Variants in SCN2A observed in about 807,000 individuals in gnomAD.
SCN2A encodes sodium voltage-gated channel alpha subunit 2, also known as sodium channel protein type 2 subunit alpha.
SCN2A carries 20 observed loss-of-function variants against 188.7 expected under a neutral mutation model. The observed-to-expected ratio is 0.11, with a 90% CI of 0.07 to 0.15. The LOEUF is 0.15. Ranked by LOEUF, SCN2A falls within the 10% of genes least tolerant of loss-of-function variation. The pLI is 1.00. For synonymous variants in SCN2A, 804 were observed against 833.1 expected (o/e 0.97, Z 0.60); for missense variants, 1,278 against 2,445.0 (o/e 0.52, Z 10.07).
chr2:165,359,080 G>A (rs1293275955), intron 17 of SCN2A, among the ~76,000 whole-genome samples: 1 of 152,052 alleles, frequency 6.6e-6, no homozygotes, highest in Non-Finnish European at 1.5e-5. Flanking sequence ...TTTGGAAGAA[G>A]CAATAATCAT....
At chr2:165,317,506 T>C (rs1301942604) in intron 11 of SCN2A, among the ~76,000 whole-genome samples, 4 of 152,106 alleles carry the variant, frequency 2.6e-5, no homozygotes, top group African/African-American at 9.7e-5. Context: ...TGCCTAAATT[T>C]TGGCCTAGAT....
intron 1 of SCN2A, among the ~76,000 whole-genome samples, chr2:165,260,428 C>T (rs1162797631): frequency 6.6e-6 from 1 of 152,114 alleles, no homozygotes; most frequent in Admixed American, 6.5e-5. Context: ...TAACTGTGAG[C>T]TTAAAATATT....
intron 12 of SCN2A, among the ~76,000 whole-genome samples, chr2:165,325,325 A>G (rs770673270): frequency 1.7e-4 from 26 of 152,162 alleles, no homozygotes; most frequent in Admixed American, 9.2e-4. Flanking sequence ...CCTCAACTTC[A>G]TTCTTTAATC....
intron 1 of SCN2A, 35 bp from the exon 2 acceptor site, chr2:165,295,738 T>C: frequency 6.3e-7 from 1 of 1,591,870 alleles, no homozygotes; most frequent in Admixed American, 1.7e-5. Context: ...TTTATTCTAA[T>C]GGTCATTGCT....
intron 23 of SCN2A, among the ~76,000 whole-genome samples, chr2:165,378,400 T>C (rs73969393): frequency 0.016 from 2,440 of 151,540 alleles, 63 homozygotes; most frequent in African/African-American, 0.056. Context: ...CTGCATTGTA[T>C]CTCTATAAGT....
intron 1 of SCN2A, chr2:165,285,496 G>T: frequency 6.0e-6 from 1 of 167,508 alleles, no homozygotes. Context: ...TAAGAGGGTG[G>T]GTGATGACAA....
In SCN2A at chr2:165,247,521, T is replaced by C. The variant is rs181448865; in HGVS notation, c.-52+7881T>C. ...TCCAGCAATATTGGAGACAGTTCAT[T>C]GCTGTCTCCCCCTTGATACACTGCC... On this transcript the variant is annotated intron_variant, in intron 1 of 26. Coordinates refer to ENST00000375437, the MANE Select transcript of SCN2A (RefSeq NM_001040142.2). 1.6e-4 allele frequency among the ~76,000 whole-genome samples: 25 copies of C among 152,270 alleles called. No individual in the cohort carries two copies. In the East Asian group the frequency reaches 4.4e-3, roughly 27 times the overall value.
rs144058186 is a variant in SCN2A, at chr2:165,389,374, C to T, written c.5568C>T (p.Asp1856=). 17 of 1,613,898 alleles carry T rather than the reference C, an allele frequency of 1.1e-5. No individual in the cohort carries two copies. In the African/African-American group the frequency reaches 2.1e-4, roughly 20 times the overall value. The change falls in exon 27 of 27, where the codon GAC becomes GAT. Residue 1856 remains aspartate (D), a synonymous_variant. Coordinates refer to ENST00000375437, the MANE Select transcript of SCN2A (RefSeq NM_001040142.2). The surrounding 1 kb of genome is among the most constrained non-coding windows in gnomAD (Gnocchi z 4.2). ...GTGGTGACCGGATCCACTGTCTTGA[C>T]ATCTTATTTGCTTTTACAAAGCGTG... ...MVSGDRIHCL[D]ILFAFTKRVL...
In SCN2A at chr2:165,291,502, TCTTTCTTTCTTC is replaced by T. The variant is rs1559340414; in HGVS notation, c.-51-4268_-51-4257del. ...TCTTTCTTTCTTTCTTTTCTTTCTTTCTTTCTTTCTTCCTCTCCTTTCTTTCCTTCCTTCCTT... is the reference window on the plus strand; with the variant it reads ...TCTTTCTTTCTTTCTTTTCTTTCTTTCTCTCCTTTCTTTCCTTCCTTCCTT... On this transcript the variant is annotated intron_variant, in intron 1 of 26. Transcript: ENST00000375437. Among the ~76,000 whole-genome samples, 78 of 134,818 alleles carry T rather than the reference TCTTTCTTTCTTC, an allele frequency of 5.8e-4. 2 individuals carry two copies. Among genetic ancestry groups the T allele is most frequent in the African/African-American group, 1.6e-3 (60 of 36,364 alleles). The allele number at this position is 134,818 out of a possible 152,430, so 88.4% of individuals were successfully genotyped here.
intron 13 of SCN2A, chr2:165,328,539 G>A (rs141673583): frequency 6.2e-4 from 613 of 983,488 alleles, no homozygotes; most frequent in Non-Finnish European, 7.2e-4. Context: ...AGGAGACAGG[G>A]TAAGTCTAAA....
At chr2:165,376,979 CAA>C (rs888207331) in intron 22 of SCN2A, among the ~76,000 whole-genome samples, 5 of 151,752 alleles carry the variant, frequency 3.3e-5, no homozygotes, top group Non-Finnish European at 5.9e-5. Flanking sequence ...AAAAAATGTA[CAA>C]GAGTTTTATT....
chr2:165,332,820 C>T (rs990905166), intron 14 of SCN2A, among the ~76,000 whole-genome samples: 3 of 151,936 alleles, frequency 2.0e-5, no homozygotes, highest in Non-Finnish European at 4.4e-5. Context: ...TTTACTGAAG[C>T]CCATTTGGAA....
intron 25 of SCN2A, among the ~76,000 whole-genome samples, chr2:165,385,081 G>C (rs552982352): frequency 3.9e-5 from 6 of 152,072 alleles, no homozygotes; most frequent in Non-Finnish European, 7.4e-5. Flanking sequence ...GGCCAAATAC[G>C]CATTCAGAGA....
At chr2:165,264,986 G>A in intron 1 of SCN2A, among the ~76,000 whole-genome samples, 1 of 151,902 alleles carries the variant, frequency 6.6e-6, no homozygotes, top group Non-Finnish European at 1.5e-5. Context: ...GTATATACCT[G>A]GTAAAGGGAT....
rs572552553 is a variant in SCN2A at position 165,275,702 on chromosome 2, T to C, written c.-51-20071T>C. Among the ~76,000 whole-genome samples, 8 of 152,284 alleles carry C rather than the reference T, an allele frequency of 5.3e-5. No homozygotes were observed. In the South Asian group the frequency reaches 1.7e-3, roughly 32 times the overall value. On this transcript the variant is annotated intron_variant, in intron 1 of 26. Transcript: ENST00000375437. ...GACAGAGAAAAGAGCATTAGTAGTA[T>C]CTGTTATGTATACTGGATGTTTTAC...
chr2:165,342,534 T>C, intron 15 of SCN2A, 65 bp downstream of exon 15: 1 of 1,528,976 alleles, frequency 6.5e-7, no homozygotes, highest in Non-Finnish European at 9.1e-7. Flanking sequence ...TCTCATCTAG[T>C]AAAAATGGCA....
rs1383984151 is a variant in SCN2A, at chr2:165,390,173, C to T, written c.*349C>T. The T allele has an allele frequency of 4.3e-6, 1 of 230,708 alleles. No individual in the cohort carries two copies. The highest frequency in any genetic ancestry group is 8.6e-6 in the Non-Finnish European group (1 of 116,288). The allele number at this position is 230,708 out of a possible 1,614,324, so 14.3% of individuals were successfully genotyped here. A position where few individuals can be genotyped will look rare whatever the true frequency, so the allele number is the denominator to read the frequency against. Reference sequence around the variant, plus strand: ...TGTGACACTTGATAATAGTAATTGTCACCAGTGTTTATGTTTTAACTGCCA... The same window carrying T: ...TGTGACACTTGATAATAGTAATTGTTACCAGTGTTTATGTTTTAACTGCCA... On this transcript the variant is annotated 3_prime_UTR_variant, in exon 27 of 27. Coordinates refer to ENST00000375437, the MANE Select transcript of SCN2A (RefSeq NM_001040142.2).
intron 8 of SCN2A, among the ~76,000 whole-genome samples, chr2:165,312,577 T>C (rs1232841829): frequency 2.6e-5 from 4 of 152,108 alleles, no homozygotes; most frequent in Admixed American, 2.6e-4. Context: ...TCTCATTTCT[T>C]CTTGCCTTCG....
chr2:165,294,012 A>T (rs1696356494), intron 1 of SCN2A: 21 of 390,008 alleles, frequency 5.4e-5, no homozygotes, highest in Non-Finnish European at 6.0e-5. Context: ...AGGAGAATTA[A>T]AAAAAAAAAA....
Sources: gnomAD v4.1 joint callset for allele counts (sites outside exome capture counted in the v4.1 genomes callset) on GRCh38, gnomAD v4.1.1 for gene constraint, Gnocchi (gnomAD v3.1) non-coding constraint, MANE v1.5 for transcripts, NCBI Gene and HGNC (gene_info 2026-07-23, HGNC 2026-07-21) for gene names.